The following MTHFSD variants were observed in gnomAD, a reference collection of about 807,000 sequenced individuals.
MTHFSD encodes methenyltetrahydrofolate synthetase domain containing, also known as methenyltetrahydrofolate synthase domain-containing protein.
Under a neutral mutation model 31.1 loss-of-function variants are expected in MTHFSD, and 37 were observed. The observed-to-expected ratio is 1.19, with a 90% CI of 0.91 to 1.56. The LOEUF is 1.56. Among genes scored for constraint, MTHFSD ranks in the 40% most tolerant of loss-of-function variants. MTHFSD has a pLI of 0.00. For missense variants in MTHFSD, 664 were observed against 510.1 expected (o/e 1.30, Z -2.91); for synonymous variants, 221 against 206.9 (o/e 1.07, Z -0.59).
intron 3 of MTHFSD, among the ~76,000 whole-genome samples, chr16:86,551,061 AAAACC>A (rs1973077123): frequency 6.6e-6 from 1 of 152,258 alleles, no homozygotes; most frequent in Non-Finnish European, 1.5e-5. Context: ...TTGCTCCAGC[AAAACC>A]ATATCAACCA....
chr16:86,551,862 G>A (rs1973194749), intron 3 of MTHFSD, 171 bp downstream of exon 3: 1 of 1,222,030 alleles, frequency 8.2e-7, no homozygotes, highest in Non-Finnish European at 1.1e-6. Flanking sequence ...CAGCTGAAGG[G>A]CTTCTGAACT....
At chr16:86,552,787 C>T (rs1008836764) in intron 2 of MTHFSD, among the ~76,000 whole-genome samples, 23 of 152,170 alleles carry the variant, frequency 1.5e-4, no homozygotes, top group Non-Finnish European at 1.3e-4. Context: ...CTTGGAACCA[C>T]CTCAGCTGAG....
In MTHFSD at chr16:86,532,020, C is replaced by T; in HGVS notation, c.1143G>A (p.Arg381=). The T allele has an allele frequency of 6.1e-6, 9 of 1,475,774 alleles. No homozygotes were observed. Among genetic ancestry groups the T allele is most frequent in the South Asian group, 1.4e-5 (1 of 72,958 alleles). 91.4% of individuals were successfully genotyped at this position (1,475,774 alleles called of 1,614,324 possible). A position where few individuals can be genotyped will look rare whatever the true frequency, so the allele number is the denominator to read the frequency against. Residue 381 remains arginine, a synonymous_variant, in exon 8 of 8, where the codon AGG becomes AGA. Coordinates refer to ENST00000360900, the MANE Select transcript of MTHFSD (RefSeq NM_001159377.2). ...TLRVALARQQ[R]DK is the part of the protein sequence containing the mutation. ...GTGGCTGTCCACGAGGTCACTTGTC[C>T]CTCTGCTGCCTGGCCAGCGCCACCC... is the stretch of plus-strand genomic sequence containing the variant.
intron 5 of MTHFSD, 109 bp downstream of exon 5, chr16:86,546,450 C>T: frequency 1.1e-6 from 1 of 931,880 alleles, no homozygotes. Context: ...CAGGTAAGCG[C>T]ATCCAGAAAG....
chr16:86,551,358 G>A (rs987701561), intron 3 of MTHFSD, among the ~76,000 whole-genome samples: 1 of 152,152 alleles, frequency 6.6e-6, no homozygotes, highest in Non-Finnish European at 1.5e-5. Context: ...CTTCTTACTC[G>A]TGATTTATCA....
intron 3 of MTHFSD, among the ~76,000 whole-genome samples, chr16:86,550,643 C>T (rs933344450): frequency 3.9e-5 from 6 of 152,228 alleles, no homozygotes; most frequent in African/African-American, 1.2e-4. Context: ...CCACATAATA[C>T]AGGGAAAACA....
intron 7 of MTHFSD, among the ~76,000 whole-genome samples, chr16:86,536,774 C>T (rs1332227360): frequency 6.6e-6 from 1 of 152,264 alleles, no homozygotes; most frequent in African/African-American, 2.4e-5. Flanking sequence ...GCGAGGCCCG[C>T]GGGAGTGGCT....
chr16:86,545,241 A>C (rs1390488368), intron 5 of MTHFSD, among the ~76,000 whole-genome samples: 2 of 152,168 alleles, frequency 1.3e-5, no homozygotes, highest in East Asian at 3.9e-4. Context: ...TCTCACACGC[A>C]TGCTACTATG....
intron 5 of MTHFSD, 132 bp downstream of exon 5, chr16:86,546,427 C>T (rs1473267785): frequency 2.2e-5 from 17 of 759,846 alleles, no homozygotes; most frequent in South Asian, 6.3e-5. Flanking sequence ...AAAAATGCAG[C>T]GGCTTCGGAG....
intron 4 of MTHFSD, chr16:86,547,136 G>T (rs1972434389): frequency 1.0e-6 from 1 of 975,954 alleles, no homozygotes; most frequent in Admixed American, 5.6e-5. Flanking sequence ...CATAAGACAT[G>T]GTCAGTAAAC....
At chr16:86,537,081 C>T (rs761038364) in intron 7 of MTHFSD, among the ~76,000 whole-genome samples, 4 of 152,160 alleles carry the variant, frequency 2.6e-5, no homozygotes, top group Non-Finnish European at 4.4e-5. Flanking sequence ...CAAATGCACC[C>T]GGGCGCAATG....
At chr16:86,549,661 GCAAGCTTTAAGAATTACCGAGGT>G in intron 3 of MTHFSD, among the ~76,000 whole-genome samples, 1 of 152,348 alleles carries the variant, frequency 6.6e-6, no homozygotes. Context: ...AGAATCACCA[GCAAGCTTTAAGAATTACCGAGGT>G]CTAGACCTCA....
intron 7 of MTHFSD, chr16:86,540,669 G>A: frequency 1.0e-6 from 1 of 987,868 alleles, no homozygotes; most frequent in Non-Finnish European, 1.2e-6. Flanking sequence ...CCACTTACAA[G>A]GAAGCTGTGG....
At chr16:86,539,224 G>A (rs1192339356) in intron 7 of MTHFSD, among the ~76,000 whole-genome samples, 1 of 152,160 alleles carries the variant, frequency 6.6e-6, no homozygotes, top group Non-Finnish European at 1.5e-5. Context: ...GGAGAGCCGG[G>A]GTCAGTGCCT....
chr16:86,545,161 G>A (rs572320536), intron 5 of MTHFSD, among the ~76,000 whole-genome samples: 2 of 152,018 alleles, frequency 1.3e-5, no homozygotes, highest in East Asian at 1.9e-4. Context: ...CATGGAACAC[G>A]TTTACCTATG....
rs1405162502 is a variant in MTHFSD, at chr16:86,552,158, A to G, written c.124-12T>C. 6.2e-7 allele frequency: 1 copy of G among 1,614,098 alleles called. No homozygotes were observed. The highest frequency in any genetic ancestry group is 1.3e-5 in the African/African-American group (1 of 74,936). ...GCCAGATAAGACCCCTAGTTAGGCA[A>G]ATAGACAGAGTTGCACTTACTTCAA... On this transcript the variant is annotated splice_polypyrimidine_tract_variant and intron_variant, in intron 2 of 7. Transcript: ENST00000360900.
Position 86,541,163 on chromosome 16 carries a change from C to T in MTHFSD, c.681+534G>A, listed in dbSNP as rs113748396. 6.2e-4 allele frequency: 794 copies of T among 1,289,414 alleles called. 3 individuals are homozygous for T. In the African/African-American group the frequency reaches 0.011, roughly 17 times the overall value. The allele number at this position is 1,289,414 out of a possible 1,614,324, so 79.9% of individuals were successfully genotyped here. ...GCTGATTTGCAGGGTCAAACTCCTA[C>T]TGCAGACTAATTTGCAACCTGTGCC... On this transcript the variant is annotated intron_variant, in intron 7 of 7. Coordinates refer to ENST00000360900, the MANE Select transcript of MTHFSD (RefSeq NM_001159377.2).
chr16:86,543,118 T>TC (rs1210592774), intron 5 of MTHFSD, among the ~76,000 whole-genome samples: 2 of 152,226 alleles, frequency 1.3e-5, no homozygotes, highest in African/African-American at 4.8e-5. Context: ...TATGAACAGT[T>TC]CACAGAAAAT....
At chr16:86,541,029 G>A (rs1390394374) in intron 7 of MTHFSD, 7 of 1,179,762 alleles carry the variant, frequency 5.9e-6, no homozygotes, top group African/African-American at 4.8e-5. Flanking sequence ...AAGAATGGGA[G>A]ACGTGGACAC....
Sources: allele counts gnomAD v4.1 joint callset (sites outside exome capture counted in the v4.1 genomes callset), GRCh38; gene constraint gnomAD v4.1.1; transcripts MANE v1.5; gene names NCBI Gene and HGNC (gene_info 2026-07-23, HGNC 2026-07-21).